The following EPHA3 variants were observed in gnomAD, a reference collection of about 807,000 sequenced individuals.
EPHA3 encodes EPH receptor A3.
A neutral mutation model predicts 107.1 loss-of-function variants in EPHA3; 42 were observed. The ratio of observed to expected loss-of-function variants is 0.39; its 90% CI spans 0.31 to 0.51. The LOEUF is 0.51. Ranked by LOEUF, EPHA3 falls within the 20% of genes least tolerant of loss-of-function variation. EPHA3 has a pLI of 0.78. For synonymous variants in EPHA3, 461 were observed against 424.8 expected (o/e 1.09, Z -1.05); for missense variants, 1,183 against 1,211.2 (o/e 0.98, Z 0.35).
chr3:89,280,205 A>G (rs73135469), intron 3 of EPHA3, among the ~76,000 whole-genome samples: 2 of 152,320 alleles, frequency 1.3e-5, no homozygotes, highest in Middle Eastern at 3.4e-3. Flanking sequence ...GCCATATTTC[A>G]TAATAACTTT....
intron 2 of EPHA3, among the ~76,000 whole-genome samples, chr3:89,201,634 G>C (rs1344069380): frequency 1.3e-5 from 2 of 151,886 alleles, no homozygotes; most frequent in Admixed American, 1.3e-4. Flanking sequence ...CCAAAAATTG[G>C]GTTAATAATC....
intron 2 of EPHA3, among the ~76,000 whole-genome samples, chr3:89,204,521 AC>A (rs10707888): frequency 0.59 from 89,132 of 151,072 alleles, 28,112 homozygotes; most frequent in Non-Finnish European, 0.7. Context: ...AAACAAAAAA[AC>A]AATTCTATTC....
Position 89,210,085 on chromosome 3 carries a change from T to A in EPHA3, c.379T>A (p.Ser127Thr). ...KETFNLYYME[S>T]DDDHGVKFRE... ...GACATTCAACCTGTACTACATGGAG[T>A]CTGATGATGATCATGGGGTGAAATT... is the stretch of plus-strand genomic sequence containing the variant. The change falls in exon 3 of 17, where the codon TCT becomes ACT. Residue 127 changes from serine (S) to threonine (T), a missense_variant. By Grantham distance (58) the Ser-to-Thr change is moderately conservative. Coordinates refer to ENST00000336596, the MANE Select transcript of EPHA3 (RefSeq NM_005233.6). 1 of 1,614,004 alleles carries A rather than the reference T, an allele frequency of 6.2e-7. No individual in the cohort carries two copies. Among genetic ancestry groups the A allele is most frequent in the Middle Eastern group, 1.6e-4 (1 of 6,062 alleles).
At chr3:89,222,793 T>C (rs557658608) in intron 3 of EPHA3, among the ~76,000 whole-genome samples, 13 of 152,284 alleles carry the variant, frequency 8.5e-5, no homozygotes, top group African/African-American at 3.1e-4. Context: ...AAATATAATA[T>C]GTATAACTTC....
rs1553664103 is a variant in EPHA3 at position 89,204,608 on chromosome 3, A to ATGAGTGTG, written c.154-5250_154-5249insAGTGTGTG. Among the ~76,000 whole-genome samples, 5 of 148,658 alleles carry ATGAGTGTG rather than the reference A, an allele frequency of 3.4e-5. No homozygotes were observed. The East Asian group carries it at 1.0e-3, about 30-fold the overall frequency. On this transcript the variant is annotated intron_variant, in intron 2 of 16. Coordinates refer to ENST00000336596, the MANE Select transcript of EPHA3 (RefSeq NM_005233.6). ...TTTAGAAATATATATCTGTGTGTAA[A>ATGAGTGTG]TGTGTGTGTGTGTGTGTGTGTGTGT...
At chr3:89,390,353 C>A (rs1708701237) in intron 5 of EPHA3, among the ~76,000 whole-genome samples, 1 of 152,134 alleles carries the variant, frequency 6.6e-6, no homozygotes, top group East Asian at 1.9e-4. Flanking sequence ...AATGCTAGCA[C>A]TTTGGGAGGC....
chr3:89,149,473 C>A (rs1485156710), intron 2 of EPHA3, among the ~76,000 whole-genome samples: 1 of 151,834 alleles, frequency 6.6e-6, no homozygotes, highest in Non-Finnish European at 1.5e-5. Flanking sequence ...ACATTAAATG[C>A]ATAGAATAAT....
intron 3 of EPHA3, among the ~76,000 whole-genome samples, chr3:89,213,443 C>A (rs1412625935): frequency 1.3e-5 from 2 of 151,906 alleles, no homozygotes; most frequent in African/African-American, 2.4e-5. Context: ...TCCACTACGC[C>A]TTTCAGAATG....
At chr3:89,382,660 T>TC (rs1485149408) in intron 5 of EPHA3, among the ~76,000 whole-genome samples, 1 of 151,510 alleles carries the variant, frequency 6.6e-6, no homozygotes, top group Non-Finnish European at 1.5e-5. Context: ...GTAAACAGAG[T>TC]CGGGGTTGGT....
At chr3:89,390,409 G>A (rs1708702262) in intron 5 of EPHA3, among the ~76,000 whole-genome samples, 1 of 151,980 alleles carries the variant, frequency 6.6e-6, no homozygotes, top group Admixed American at 6.6e-5. Flanking sequence ...AACCATCCTG[G>A]TCATCATGAT....
chr3:89,348,403 A>G (rs1385099194), intron 5 of EPHA3, among the ~76,000 whole-genome samples: 104 of 114,398 alleles, frequency 9.1e-4, no homozygotes, highest in Non-Finnish European at 1.7e-3. Context: ...TTATTTGCGT[A>G]GAGGTGTTTG....
At position 89,248,545 on chromosome 3, in the gene EPHA3, C is replaced by T. The variant is rs143727115; in HGVS notation, c.814+38025C>T. Among the ~76,000 whole-genome samples, 1,311 of 152,216 alleles carry T rather than the reference C, an allele frequency of 8.6e-3. 9 individuals carry two copies. Among genetic ancestry groups the T allele is most frequent in the Non-Finnish European group, 0.012 (814 of 68,014 alleles). ...TATCTTTAGCAGCTGAAATGCATTT[C>T]GGTGTAGTAATAGATACACTTAGTT... On this transcript the variant is annotated intron_variant, in intron 3 of 16. Transcript: ENST00000336596.
chr3:89,137,514 A>C (rs1156866233), intron 2 of EPHA3, among the ~76,000 whole-genome samples: 9 of 152,024 alleles, frequency 5.9e-5, no homozygotes, highest in Admixed American at 2.6e-4. Context: ...CATGTCCCAA[A>C]TGATAGTCAT....
intron 13 of EPHA3, among the ~76,000 whole-genome samples, chr3:89,434,271 G>A (rs369803165): frequency 6.6e-6 from 1 of 152,084 alleles, no homozygotes; most frequent in Non-Finnish European, 1.5e-5. Context: ...ATGCTGGAGT[G>A]CAGTGGCGCA....
intron 3 of EPHA3, among the ~76,000 whole-genome samples, chr3:89,295,123 T>C (rs1444193590): frequency 6.6e-6 from 1 of 151,830 alleles, no homozygotes; most frequent in Non-Finnish European, 1.5e-5. Context: ...AAAGCTAATA[T>C]AGCAATAAAA....
intron 2 of EPHA3, among the ~76,000 whole-genome samples, chr3:89,200,431 A>C (rs1292489844): frequency 2.6e-5 from 4 of 152,106 alleles, no homozygotes; most frequent in Non-Finnish European, 4.4e-5. Flanking sequence ...CTTTTTGGGA[A>C]ATGTTCAGTA....
At chr3:89,134,423 T>C (rs1199753894) in intron 2 of EPHA3, among the ~76,000 whole-genome samples, 1 of 141,086 alleles carries the variant, frequency 7.1e-6, no homozygotes, top group Non-Finnish European at 1.6e-5. Flanking sequence ...TGTGTCCAAG[T>C]GTTCTCATTG....
chr3:89,415,467 AATATATAT>A (rs71621548), intron 10 of EPHA3, among the ~76,000 whole-genome samples: 3 of 131,624 alleles, frequency 2.3e-5, no homozygotes, highest in African/African-American at 8.3e-5. Flanking sequence ...TTACAGAAAG[AATATATAT>A]ATATATATAT....
chr3:89,287,343 G>A (rs1237440834), intron 3 of EPHA3, among the ~76,000 whole-genome samples: 1 of 152,088 alleles, frequency 6.6e-6, no homozygotes, highest in Non-Finnish European at 1.5e-5. Flanking sequence ...AATGGTCAGA[G>A]AATTGAAATT....
Sources: allele counts gnomAD v4.1 joint callset (sites outside exome capture counted in the v4.1 genomes callset), GRCh38; gene constraint gnomAD v4.1.1; transcripts MANE v1.5; gene names NCBI Gene and HGNC (gene_info 2026-07-23, HGNC 2026-07-21).